Variants in RAD51D observed in about 807,000 individuals in gnomAD.
The protein encoded by RAD51D is RAD51 paralog D, also known as DNA repair protein RAD51 homolog 4.
RAD51D carries 38 observed loss-of-function variants against 44.1 expected under a neutral mutation model. The ratio of observed to expected loss-of-function variants is 0.86; its 90% CI spans 0.67 to 1.13. RAD51D has a LOEUF of 1.13. Among genes scored for constraint, RAD51D ranks in the 50% most tolerant of loss-of-function variants. The pLI, the probability that RAD51D is intolerant of heterozygous loss-of-function variation, is 0.00. For missense variants in RAD51D, 390 were observed against 414.0 expected (o/e 0.94, Z 0.50); for synonymous variants, 141 against 166.6 (o/e 0.85, Z 1.18).
At chr17:35,116,952 T>C in intron 3 of RAD51D, 1 of 1,613,782 alleles carries the variant, frequency 6.2e-7, no homozygotes, top group Non-Finnish European at 8.5e-7. Context: ...CTTCAGAGCA[T>C]TCCTGACCCC....
rs936897461 is a variant in RAD51D at position 35,117,126 on chromosome 17, A to G, written c.263+1375T>C. ...TACCGTTGCCTCCCTCGGTGCTTACAGCTCTCTTGTATTCACTTGATTTTC... is the reference window on the plus strand; with the variant it reads ...TACCGTTGCCTCCCTCGGTGCTTACGGCTCTCTTGTATTCACTTGATTTTC... On this transcript the variant is annotated intron_variant, in intron 3 of 9. Transcript: ENST00000345365. 7 of 1,387,370 alleles carry G rather than the reference A, an allele frequency of 5.0e-6. No individual in the cohort carries two copies. The African/African-American group carries it at 1.0e-4, about 20-fold the overall frequency. 85.9% of individuals were successfully genotyped at this position (1,387,370 alleles called of 1,614,324 possible).
In RAD51D at chr17:35,093,435, T is replaced by C. The variant is rs969722391; in HGVS notation, c.*7518A>G. On this transcript the variant is annotated 3_prime_UTR_variant, in exon 10 of 10. Coordinates refer to ENST00000345365, the MANE Select transcript of RAD51D (RefSeq NM_002878.4). ...GCTGAGGCTATTATACCAAAAACTA[T>C]AGAGAGGCCAAGGAAGAGCAGAGAT... 14 of 152,192 alleles carry C rather than the reference T, an allele frequency of 9.2e-5. No individual in the cohort carries two copies. Among genetic ancestry groups the C allele is most frequent in the Admixed American group, 8.5e-4 (13 of 15,282 alleles). The allele number at this position is 152,192 out of a possible 1,614,324, so 9.4% of individuals were successfully genotyped here.
rs940864480 is a variant in RAD51D at position 35,098,605 on chromosome 17, C to T, written c.*2348G>A. 6.6e-6 allele frequency: 1 copy of T among 152,030 alleles called. No homozygotes were observed. The highest frequency in any genetic ancestry group is 2.4e-5 in the African/African-American group (1 of 41,352). The allele number at this position is 152,030 out of a possible 1,614,324, so 9.4% of individuals were successfully genotyped here. ...ATTTTTAGTACAGACGGGGTTTCACCATGTTGGTCAGGCTGGTCTGGAACT... is the reference window on the plus strand; with the variant it reads ...ATTTTTAGTACAGACGGGGTTTCACTATGTTGGTCAGGCTGGTCTGGAACT... On this transcript the variant is annotated 3_prime_UTR_variant, in exon 10 of 10. Transcript: ENST00000345365.
intron 3 of RAD51D, among the ~76,000 whole-genome samples, chr17:35,110,225 C>T (rs1465768380): frequency 6.6e-6 from 1 of 151,974 alleles, no homozygotes; most frequent in African/African-American, 2.4e-5. Context: ...CTGACCACCT[C>T]AGCCTCTCAA....
intron 2 of RAD51D, 120 bp from the exon 3 acceptor site, chr17:35,118,739 A>C: frequency 1.2e-6 from 1 of 819,528 alleles, no homozygotes; most frequent in Admixed American, 1.9e-5. Context: ...CTTGGGATGG[A>C]CTTTTGTTAT....
Position 35,119,652 on chromosome 17 carries a change from G to T in RAD51D, c.-39C>A, listed in dbSNP as rs2091800937. The stretch of plus-strand genomic sequence containing the variant: ...CGGAACAGCCCCAGGGGGACTGCAC[G>T]TCACGTGGGCATTCGCGGGGGGTCC... On this transcript the variant is annotated 5_prime_UTR_variant, in exon 1 of 10. Coordinates refer to ENST00000345365, the MANE Select transcript of RAD51D (RefSeq NM_002878.4). The T allele has an allele frequency of 1.2e-6, 2 of 1,600,196 alleles. No homozygotes were observed. The highest frequency in any genetic ancestry group is 4.5e-5 in the East Asian group (2 of 44,852).
chr17:35,119,390 C>A, intron 1 of RAD51D, 142 bp downstream of exon 1: 1 of 1,075,972 alleles, frequency 9.3e-7, no homozygotes, highest in Non-Finnish European at 1.4e-6. Context: ...GCCCACCCTT[C>A]CTGAGCCTCT....
intron 1 of RAD51D, 44 bp from the exon 2 acceptor site, chr17:35,119,216 G>A (rs2091790717): frequency 1.3e-6 from 2 of 1,552,896 alleles, no homozygotes; most frequent in Non-Finnish European, 1.8e-6. Context: ...GAGGACTGGG[G>A]CCTCCCACAC....
chr17:35,106,553 G>A lies in RAD51D; in HGVS notation c.481-72C>T, dbSNP rs981487439. On this transcript the variant is annotated intron_variant, in intron 5 of 9. Coordinates refer to ENST00000345365, the MANE Select transcript of RAD51D (RefSeq NM_002878.4). ...AGGGGGGTCAAGGTAAGGCTGAGAAGGAAGAGGCACCTGGATGCAAGGACT... is the reference window on the plus strand; with the variant it reads ...AGGGGGGTCAAGGTAAGGCTGAGAAAGAAGAGGCACCTGGATGCAAGGACT... The A allele has an allele frequency of 4.4e-5, 50 of 1,137,278 alleles. No homozygotes were observed. The African/African-American group carries it at 7.3e-4, about 17-fold the overall frequency. 70.4% of individuals were successfully genotyped at this position (1,137,278 alleles called of 1,614,324 possible).
intron 3 of RAD51D, among the ~76,000 whole-genome samples, chr17:35,107,709 A>AT (rs895257261): frequency 1.0e-5 from 1 of 97,566 alleles, no homozygotes; most frequent in African/African-American, 4.1e-5. Flanking sequence ...TTCTCCCTTC[A>AT]TTTTTCATCT....
At chr17:35,115,980 A>AGAAG (rs1555569891) in intron 3 of RAD51D, among the ~76,000 whole-genome samples, 1 of 150,844 alleles carries the variant, frequency 6.6e-6, no homozygotes, top group African/African-American at 2.4e-5. Flanking sequence ...AAAGAAAGAA[A>AGAAG]GAAAGAAAGA....
At chr17:35,110,099 T>C (rs1009781184) in intron 3 of RAD51D, among the ~76,000 whole-genome samples, 2 of 151,260 alleles carry the variant, frequency 1.3e-5, no homozygotes, top group Non-Finnish European at 2.9e-5. Context: ...CTCCCCCAAG[T>C]AGCTGGGACT....
rs28363264 is a variant in RAD51D at position 35,116,581 on chromosome 17, G to A, written c.263+1920C>T. 0.1 allele frequency among the ~76,000 whole-genome samples: 15,421 copies of A among 152,014 alleles called. 845 individuals are homozygous for A. The highest frequency in any genetic ancestry group is 0.14 in the African/African-American group (5,669 of 41,446). On this transcript the variant is annotated intron_variant, in intron 3 of 9. Transcript: ENST00000345365. ...GCGATCTCCGCTCACTGCAAGCTCCGCTTCCCGGGTTCATGCTATTCTCCT... is the reference window on the plus strand; with the variant it reads ...GCGATCTCCGCTCACTGCAAGCTCCACTTCCCGGGTTCATGCTATTCTCCT...
At chr17:35,119,202 C>A (rs2142478278) in intron 1 of RAD51D, 30 bp from the exon 2 acceptor site, 11 of 1,596,778 alleles carry the variant, frequency 6.9e-6, no homozygotes, top group Non-Finnish European at 9.4e-6. Flanking sequence ...AGCGGATTGG[C>A]AGAGAGGACT....
In RAD51D at chr17:35,107,304, C is replaced by T. The variant is rs2091618883; in HGVS notation, c.345+62G>A. The T allele has an allele frequency of 1.4e-5, 21 of 1,491,376 alleles. No homozygotes were observed. The East Asian group carries it at 4.3e-4, about 30-fold the overall frequency. The allele number at this position is 1,491,376 out of a possible 1,614,324, so 92.4% of individuals were successfully genotyped here. On this transcript the variant is annotated intron_variant, in intron 4 of 9. Transcript: ENST00000345365. ...AGTACGCTGAAGCTCCCCCAGGGAC[C>T]CTGGGCTATGCATCTACCACCCTCA...
chr17:35,110,114 G>A (rs982542822), intron 3 of RAD51D, among the ~76,000 whole-genome samples: 11 of 151,952 alleles, frequency 7.2e-5, no homozygotes, highest in African/African-American at 2.4e-4. Flanking sequence ...GGGACTACAG[G>A]CATGTGCCAC....
chr17:35,110,273 T>C (rs192784488), intron 3 of RAD51D, among the ~76,000 whole-genome samples: 1 of 152,182 alleles, frequency 6.6e-6, no homozygotes, highest in East Asian at 1.9e-4. Context: ...CCCTTGCCCA[T>C]TTTCTAATTG....
At position 35,119,686 on chromosome 17, in the gene RAD51D, C is replaced by T. The variant is rs886052819; in HGVS notation, c.-73G>A. The T allele has an allele frequency of 2.0e-6, 3 of 1,469,552 alleles. No homozygotes were observed. The highest frequency in any genetic ancestry group is 2.8e-6 in the Non-Finnish European group (3 of 1,061,270). 91.0% of individuals were successfully genotyped at this position (1,469,552 alleles called of 1,614,324 possible). ...GCATTCGCGGGGGGTCCTCTCCAGA[C>T]GCCCCTCCCCTACCCCTTCCTAGAG... On this transcript the variant is annotated 5_prime_UTR_variant, in exon 1 of 10. Transcript: ENST00000345365.
chr17:35,101,120 G>C (rs1483415389), intron 9 of RAD51D, 81 bp downstream of exon 9: 1 of 1,608,572 alleles, frequency 6.2e-7, no homozygotes, highest in Middle Eastern at 1.6e-4. Flanking sequence ...CCTCTAAAGA[G>C]TTCTTCTCGA....
Sources: allele counts gnomAD v4.1 joint callset (sites outside exome capture counted in the v4.1 genomes callset), GRCh38; gene constraint gnomAD v4.1.1; transcripts MANE v1.5; gene names NCBI Gene and HGNC (gene_info 2026-07-23, HGNC 2026-07-21).